Variants in VPS13B observed in about 807,000 individuals in gnomAD.
The protein encoded by VPS13B is intermembrane lipid transfer protein VPS13B.
Under a neutral mutation model 426.4 loss-of-function variants are expected in VPS13B, and 285 were observed. That is an observed-to-expected ratio of 0.67 (90% CI 0.61 to 0.74). VPS13B has a LOEUF of 0.74. VPS13B is among the 30% of genes least tolerant of loss of function. VPS13B has a pLI of 0.00. For missense variants in VPS13B, 4,537 were observed against 4,782.6 expected, an observed-to-expected ratio of 0.95 and a Z score of 1.51; for synonymous variants, 1,676 against 1,676.4, an observed-to-expected ratio of 1.00 and a Z score of 0.01.
intron 3 of VPS13B, among the ~76,000 whole-genome samples, chr8:99,044,318 T>C (rs1215491119): frequency 6.6e-6 from 1 of 151,626 alleles, no homozygotes; most frequent in African/African-American, 2.4e-5. Context: ...CTCCTGACCT[T>C]GTGATCCGCC....
At chr8:99,387,296 C>T (rs919649748) in intron 20 of VPS13B, among the ~76,000 whole-genome samples, 3 of 152,064 alleles carry the variant, frequency 2.0e-5, no homozygotes, top group Admixed American at 6.5e-5. Flanking sequence ...CAGGTCACTG[C>T]AGCCTTAACT....
At chr8:99,803,379 A>T (rs955625035) in intron 43 of VPS13B, among the ~76,000 whole-genome samples, 1 of 152,212 alleles carries the variant, frequency 6.6e-6, no homozygotes, top group Non-Finnish European at 1.5e-5. Flanking sequence ...GCCAACACTT[A>T]TATCACGACA....
chr8:99,511,165 C>T lies in VPS13B; in HGVS notation c.4286C>T (p.Thr1429Ile). 1 of 1,613,944 alleles carries T rather than the reference C, an allele frequency of 6.2e-7. No homozygotes were observed. The highest frequency in any genetic ancestry group is 8.5e-7 in the Non-Finnish European group (1 of 1,180,008). Residue 1429 changes from threonine (T) to isoleucine (I), a missense_variant, in exon 29 of 62, where the codon ACA becomes ATA. Physicochemically the swap from Thr to Ile is moderately conservative, Grantham distance 89. Transcript: ENST00000357162. ...QQHGFLSLTY[T>I]KAVTKNVRHK... ...CATGGATTCCTCTCTCTGACATACA[C>T]AAAAGCTGTAACAAAAAATGTCCGC...
At chr8:99,100,918 C>A (rs1252779282) in intron 4 of VPS13B, among the ~76,000 whole-genome samples, 1 of 151,812 alleles carries the variant, frequency 6.6e-6, no homozygotes, top group East Asian at 2.0e-4. Context: ...GTGGCACGTG[C>A]CTGTAATCCT....
At chr8:99,435,212 G>A (rs940397686) in intron 22 of VPS13B, among the ~76,000 whole-genome samples, 4 of 152,108 alleles carry the variant, frequency 2.6e-5, no homozygotes, top group Non-Finnish European at 5.9e-5. Context: ...CCATTGTGTG[G>A]TTTAGAATAT....
At chr8:99,637,195 C>T (rs1347875376) in intron 33 of VPS13B, among the ~76,000 whole-genome samples, 2 of 151,964 alleles carry the variant, frequency 1.3e-5, no homozygotes, top group Non-Finnish European at 2.9e-5. Context: ...AAGTTTAGGG[C>T]CCAGCACACA....
intron 2 of VPS13B, among the ~76,000 whole-genome samples, chr8:99,030,856 TTAG>T (rs1402103182): frequency 7.9e-5 from 12 of 152,338 alleles, no homozygotes; most frequent in African/African-American, 2.6e-4. Context: ...TTTTATTAAT[TTAG>T]TAGTGTACTA....
At chr8:99,825,490 A>T (rs937497075) in intron 51 of VPS13B, among the ~76,000 whole-genome samples, 2 of 152,062 alleles carry the variant, frequency 1.3e-5, no homozygotes, top group African/African-American at 4.8e-5. Flanking sequence ...TGTCAGATGG[A>T]TAGACTGCAA....
At chr8:99,296,680 T>A (rs1022064160) in intron 19 of VPS13B, among the ~76,000 whole-genome samples, 9 of 152,202 alleles carry the variant, frequency 5.9e-5, no homozygotes, top group African/African-American at 2.2e-4. Context: ...GTGGGTCCTT[T>A]ATGAGGTAAT....
chr8:99,339,889 T>C (rs923192854), intron 19 of VPS13B, among the ~76,000 whole-genome samples: 1 of 152,214 alleles, frequency 6.6e-6, no homozygotes, highest in Non-Finnish European at 1.5e-5. Context: ...TTGCTCAGTC[T>C]CATCAATAGA....
rs1588153055 is a variant in VPS13B at position 99,224,289 on chromosome 8, A to G, written c.2515+31232A>G. Among the ~76,000 whole-genome samples, 3 of 152,176 alleles carry G rather than the reference A, an allele frequency of 2.0e-5. No homozygotes were observed. The East Asian group carries it at 5.8e-4, about 29-fold the overall frequency. ...AAGAATACTTCATAGAAACATATGG[A>G]AACATTTCTAAGTTTTTTTCATTAT... On this transcript the variant is annotated intron_variant, in intron 17 of 61. Transcript: ENST00000357162.
intron 17 of VPS13B, among the ~76,000 whole-genome samples, chr8:99,267,467 T>G (rs1818365462): frequency 6.6e-6 from 1 of 152,122 alleles, no homozygotes; most frequent in Non-Finnish European, 1.5e-5. Context: ...CGATGGCTCA[T>G]GCCTGTATTC....
intron 61 of VPS13B, 147 bp downstream of exon 61, chr8:99,871,844 G>A: frequency 6.8e-7 from 1 of 1,470,256 alleles, no homozygotes; most frequent in Non-Finnish European, 9.4e-7. Flanking sequence ...AGGAGGAAGT[G>A]TAGAGGCCGG....
At chr8:99,819,641 T>C in intron 48 of VPS13B, 59 bp downstream of exon 48, 2 of 1,563,996 alleles carry the variant, frequency 1.3e-6, no homozygotes, top group Non-Finnish European at 1.7e-6. Context: ...AAATGATCAT[T>C]CACAAAAATA....
At chr8:99,557,539 A>G (rs926866212) in intron 31 of VPS13B, among the ~76,000 whole-genome samples, 1 of 152,056 alleles carries the variant, frequency 6.6e-6, no homozygotes, top group Non-Finnish European at 1.5e-5. Context: ...TTATCCACTC[A>G]TTGGTTGACG....
At chr8:99,305,897 C>T (rs141196044) in intron 19 of VPS13B, among the ~76,000 whole-genome samples, 18 of 152,214 alleles carry the variant, frequency 1.2e-4, no homozygotes, top group African/African-American at 3.8e-4. Flanking sequence ...TTGGTGTTAA[C>T]TATTTGGTCT....
intron 19 of VPS13B, among the ~76,000 whole-genome samples, chr8:99,353,614 A>C (rs1239180470): frequency 6.6e-6 from 1 of 152,028 alleles, no homozygotes; most frequent in Non-Finnish European, 1.5e-5. Flanking sequence ...AAAAAAAAAA[A>C]AAAACAACAG....
chr8:99,411,068 G>GGTATATACCTGGTA (rs1815627286), intron 21 of VPS13B, among the ~76,000 whole-genome samples: 3 of 152,146 alleles, frequency 2.0e-5, no homozygotes, highest in Admixed American at 2.0e-4. Flanking sequence ...TAATCCTTTG[G>GGTATATACCTGGTA]GTATATACCT....
At chr8:99,086,459 CGTCAAA>C (rs1453010591) in intron 3 of VPS13B, among the ~76,000 whole-genome samples, 11 of 152,206 alleles carry the variant, frequency 7.2e-5, no homozygotes, top group Non-Finnish European at 1.6e-4. Flanking sequence ...TCTCTCAAAT[CGTCAAA>C]GTCATTGTCC....
Sources: gnomAD v4.1 joint callset for allele counts (sites outside exome capture counted in the v4.1 genomes callset) on GRCh38, gnomAD v4.1.1 for gene constraint, MANE v1.5 for transcripts, NCBI Gene and HGNC (gene_info 2026-07-23, HGNC 2026-07-21) for gene names.